Variants in ABCG2 observed in about 807,000 individuals in gnomAD.
The protein encoded by ABCG2 is broad substrate specificity ATP-binding cassette transporter ABCG2.
A neutral mutation model predicts 73.5 loss-of-function variants in ABCG2; 80 were observed. The ratio of observed to expected loss-of-function variants is 1.09; its 90% CI spans 0.91 to 1.31. The LOEUF is 1.31. Ranked by LOEUF, ABCG2 falls within the 50% of genes most tolerant of loss-of-function variation. The pLI is 0.00. For synonymous variants in ABCG2, 269 were observed against 282.4 expected (o/e 0.95, Z 0.48); for missense variants, 796 against 786.2 (o/e 1.01, Z -0.15).
upstream of ABCG2, among the ~76,000 whole-genome samples, chr4:88,164,179 G>A (rs2725226): frequency 0.39 from 59,603 of 151,712 alleles, 13,118 homozygotes; most frequent in East Asian, 0.66. Flanking sequence ...CGATTCTACT[G>A]CCTCAGCCTC....
At chr4:88,134,730 C>T (rs1409794777) in intron 2 of ABCG2, among the ~76,000 whole-genome samples, 1 of 152,232 alleles carries the variant, frequency 6.6e-6, no homozygotes, top group East Asian at 1.9e-4. Flanking sequence ...TGGCTTACTA[C>T]TTTGGGATGA....
chr4:88,126,021 A>C (rs138651211), intron 5 of ABCG2, among the ~76,000 whole-genome samples: 1,531 of 152,254 alleles, frequency 0.01, 42 homozygotes, highest in Admixed American at 0.055. Context: ...GTTTAATAGA[A>C]TACATAGACC....
chr4:88,217,100 T>C (rs1400773126), intron 1 of ABCG2, among the ~76,000 whole-genome samples: 2 of 152,160 alleles, frequency 1.3e-5, no homozygotes, highest in Non-Finnish European at 2.9e-5. Flanking sequence ...ACCACTGTTA[T>C]GAAGTTACAG....
chr4:88,220,050 T>C (rs1349832840), intron 1 of ABCG2, among the ~76,000 whole-genome samples: 2 of 152,176 alleles, frequency 1.3e-5, no homozygotes, highest in Non-Finnish European at 2.9e-5. Flanking sequence ...CTCTATGAAT[T>C]TGACTACCCT....
chr4:88,170,217 T>G (rs1727705128), intron 1 of ABCG2, among the ~76,000 whole-genome samples: 1 of 152,224 alleles, frequency 6.6e-6, no homozygotes, highest in Non-Finnish European at 1.5e-5. Flanking sequence ...TGTTTTCTGT[T>G]GTCTTGAAAT....
chr4:88,118,756 C>G (rs1723764955), intron 6 of ABCG2, among the ~76,000 whole-genome samples: 1 of 152,132 alleles, frequency 6.6e-6, no homozygotes. Context: ...TGAGTACTTA[C>G]TATGTCTTTG....
chr4:88,121,937 A>G, intron 5 of ABCG2, 145 bp from the exon 6 acceptor site: 1 of 770,838 alleles, frequency 1.3e-6, no homozygotes, highest in Non-Finnish European at 2.0e-6. Context: ...TACCTGGTAG[A>G]AAAAGTAGGT....
chr4:88,103,708 C>A (rs1722595146), intron 10 of ABCG2, among the ~76,000 whole-genome samples: 1 of 152,174 alleles, frequency 6.6e-6, no homozygotes, highest in Non-Finnish European at 1.5e-5. Flanking sequence ...TACCCTTTGA[C>A]CATCATCTCT....
chr4:88,218,595 C>T (rs781754559), intron 1 of ABCG2, among the ~76,000 whole-genome samples: 1 of 152,130 alleles, frequency 6.6e-6, no homozygotes, highest in Non-Finnish European at 1.5e-5. Context: ...TCCCTCACCC[C>T]CTTCCCACCC....
At chr4:88,218,680 C>T (rs2904185) in intron 1 of ABCG2, among the ~76,000 whole-genome samples, 58,159 of 151,950 alleles carry the variant, frequency 0.38, 12,001 homozygotes, top group East Asian at 0.59. Context: ...TGAGTGAGAA[C>T]GTACGCACAT....
upstream of ABCG2, chr4:88,159,262 G>C: frequency 2.2e-6 from 1 of 455,120 alleles, no homozygotes; most frequent in Non-Finnish European, 4.4e-6. Context: ...GAAGCACCGG[G>C]GACGCTGACG....
At chr4:88,157,740 C>A (rs1201215918) in intron 1 of ABCG2, among the ~76,000 whole-genome samples, 1 of 152,070 alleles carries the variant, frequency 6.6e-6, no homozygotes, top group Non-Finnish European at 1.5e-5. Flanking sequence ...TAAAGAATAT[C>A]AATAAAAAAC....
At chr4:88,230,309 T>TATATATATATATATATATATATA (rs67927192) in intron 1 of ABCG2, among the ~76,000 whole-genome samples, 1 of 15,970 alleles carries the variant, frequency 6.3e-5, no homozygotes, top group Non-Finnish European at 1.1e-4. Flanking sequence ...ATATATATAT[T>TATATATATATATATATATATATA]TTTTTTTTTG....
Position 88,140,991 on chromosome 4 carries a change from C to T in ABCG2, c.-19-977G>A, listed in dbSNP as rs187744917. Among the ~76,000 whole-genome samples the T allele has an allele frequency of 2.0e-3, 308 of 152,082 alleles. 1 individual carries two copies. The highest frequency in any genetic ancestry group is 7.1e-3 in the African/African-American group (295 of 41,470). On this transcript the variant is annotated intron_variant, in intron 1 of 15. Coordinates refer to ENST00000237612, the MANE Select transcript of ABCG2 (RefSeq NM_004827.3). Reference sequence around the variant, plus strand: ...TTTCATTAAACAAATTACAAAAGGCCTCAAAAAAGATTTATTTGAGTAAGA... The same window carrying T: ...TTTCATTAAACAAATTACAAAAGGCTTCAAAAAAGATTTATTTGAGTAAGA...
chr4:88,183,086 TAAAAAAAAAAAAAAAAAAA>T (rs57261009), intron 1 of ABCG2, among the ~76,000 whole-genome samples: 3 of 68,912 alleles, frequency 4.4e-5, no homozygotes, highest in East Asian at 4.5e-4. Context: ...CTCCGTCTCA[TAAAAAAAAAAAAAAAAAAA>T]AAAAAAAAAA....
At chr4:88,139,124 G>C (rs1190275688) in intron 2 of ABCG2, among the ~76,000 whole-genome samples, 4 of 148,982 alleles carry the variant, frequency 2.7e-5, no homozygotes, top group African/African-American at 7.4e-5. Context: ...CTGGGTGATA[G>C]AGCGAGACTC....
chr4:88,186,652 G>T lies in ABCG2; in HGVS notation c.-20+44342C>A, dbSNP rs986294888. Among the ~76,000 whole-genome samples the T allele has an allele frequency of 1.1e-4, 16 of 151,988 alleles. 1 individual carries two copies. The highest frequency in any genetic ancestry group is 3.6e-4 in the African/African-American group (15 of 41,476). On this transcript the variant is annotated intron_variant, in intron 1 of 15. Transcript: ENST00000515655. ...TTTAGCCGGGCGGCCGGGCGCGGTG[G>T]CTCACGCCTGTAATCCCAGCACTTT...
At chr4:88,205,379 A>T (rs1016648270) in intron 1 of ABCG2, among the ~76,000 whole-genome samples, 1 of 152,230 alleles carries the variant, frequency 6.6e-6, no homozygotes, top group Non-Finnish European at 1.5e-5. Flanking sequence ...TATGTTTTGA[A>T]AGTTGTTTTC....
intron 1 of ABCG2, among the ~76,000 whole-genome samples, chr4:88,192,452 C>T (rs574123315): frequency 2.6e-5 from 4 of 152,150 alleles, no homozygotes; most frequent in Non-Finnish European, 4.4e-5. Context: ...CTCGCTCCAT[C>T]GCCCAGGCCC....
Sources: allele counts gnomAD v4.1 joint callset (sites outside exome capture counted in the v4.1 genomes callset), GRCh38; gene constraint gnomAD v4.1.1; transcripts MANE v1.5; gene names NCBI Gene and HGNC (gene_info 2026-07-23, HGNC 2026-07-21).